Variants in EIPR1 observed in about 807,000 individuals in gnomAD.
EIPR1 encodes the protein EARP complex and GARP complex interacting protein 1, also known as EARP and GARP complex-interacting protein 1.
A neutral mutation model predicts 48.1 loss-of-function variants in EIPR1; 25 were observed. That is an observed-to-expected ratio of 0.52 (90% confidence interval 0.38 to 0.73). The LOEUF (loss-of-function observed/expected upper bound fraction) is 0.73, where lower values mean the gene tolerates loss of function less well. EIPR1 is among the 30% of genes least tolerant of loss of function. The pLI is 0.00. For missense variants in EIPR1, 415 were observed against 506.2 expected (o/e 0.82, Z 1.73); for synonymous variants, 204 against 201.9 (o/e 1.01, Z -0.09).
chr2:3,255,373 G>A (rs979759113), intron 4 of EIPR1, among the ~76,000 whole-genome samples: 1 of 152,008 alleles, frequency 6.6e-6, no homozygotes, highest in Non-Finnish European at 1.5e-5. Flanking sequence ...AGCAGAGATG[G>A]GGTTTCACCA....
chr2:3,370,435 A>T (rs1572493035), intron 1 of EIPR1, among the ~76,000 whole-genome samples: 1 of 152,220 alleles, frequency 6.6e-6, no homozygotes, highest in Middle Eastern at 3.4e-3. Flanking sequence ...CGATCAAACT[A>T]CTCCGAGCTA....
intron 3 of EIPR1, among the ~76,000 whole-genome samples, chr2:3,324,198 C>A (rs1222190504): frequency 6.6e-6 from 1 of 152,188 alleles, no homozygotes; most frequent in East Asian, 1.9e-4. Context: ...ACTGCACGAG[C>A]GACATGTGGC....
chr2:3,266,841 T>C (rs1405085468), intron 3 of EIPR1, among the ~76,000 whole-genome samples: 2 of 152,208 alleles, frequency 1.3e-5, no homozygotes, highest in Admixed American at 1.3e-4. Context: ...CTACTCCACA[T>C]GCCAGAAAGG....
At chr2:3,313,982 C>A (rs1016459502) in intron 3 of EIPR1, among the ~76,000 whole-genome samples, 2 of 152,128 alleles carry the variant, frequency 1.3e-5, no homozygotes, top group African/African-American at 2.4e-5. Flanking sequence ...TGGCCCTGAG[C>A]CGCTGGGACC....
intron 5 of EIPR1, among the ~76,000 whole-genome samples, chr2:3,206,453 T>C (rs910988924): frequency 2.0e-5 from 3 of 152,246 alleles, no homozygotes; most frequent in African/African-American, 7.2e-5. Context: ...CATGAGAGTC[T>C]GCATTGTGGC....
intron 1 of EIPR1, among the ~76,000 whole-genome samples, chr2:3,373,073 A>C (rs1659741620): frequency 6.6e-6 from 1 of 152,224 alleles, no homozygotes; most frequent in African/African-American, 2.4e-5. Flanking sequence ...AGGCTGGTTC[A>C]ATCTACGCAA....
chr2:3,269,522 ATCATCGCACTCAGTCATCGCACTCAG>A (rs1320236490), intron 3 of EIPR1, among the ~76,000 whole-genome samples: 2 of 63,668 alleles, frequency 3.1e-5, no homozygotes, highest in Non-Finnish European at 3.3e-5. Context: ...ATCACACTCA[ATCATCGCACTCAGTCATCGCACTCAG>A]TCATCGCACT....
intron 3 of EIPR1, among the ~76,000 whole-genome samples, chr2:3,260,142 T>G (rs934307860): frequency 6.6e-6 from 1 of 152,192 alleles, no homozygotes; most frequent in African/African-American, 2.4e-5. Flanking sequence ...CATTAAAATT[T>G]AAAACTTCTT....
intron 3 of EIPR1, chr2:3,319,776 ACTGCACCTGCGGGCAACACCACC>A (rs1669447577): frequency 7.6e-6 from 1 of 130,748 alleles, no homozygotes; most frequent in Non-Finnish European, 1.5e-5. Flanking sequence ...GCAGGGCAAT[ACTGCACCTGCGGGCAACACCACC>A]CCTGCGGGCA....
intron 4 of EIPR1, among the ~76,000 whole-genome samples, chr2:3,218,412 A>G (rs1310699366): frequency 8.3e-6 from 1 of 120,290 alleles, no homozygotes; most frequent in Non-Finnish European, 1.7e-5. Context: ...GCTCTAGAGC[A>G]TTCACAGTGA....
At chr2:3,361,039 T>C (rs948853721) in intron 1 of EIPR1, among the ~76,000 whole-genome samples, 1 of 152,086 alleles carries the variant, frequency 6.6e-6, no homozygotes, top group Non-Finnish European at 1.5e-5. Context: ...AAATACCCAT[T>C]TCTCATCTCC....
chr2:3,237,071 C>T lies in EIPR1; in HGVS notation c.416+20228G>A, dbSNP rs536239579. Among the ~76,000 whole-genome samples the T allele has an allele frequency of 2.0e-4, 31 of 152,236 alleles. No homozygotes were observed. The East Asian group carries it at 4.8e-3, about 24-fold the overall frequency. On this transcript the variant is annotated intron_variant, in intron 4 of 8. Transcript: ENST00000382125. ...CAGCTCCTCACAAGGCACACAAAGA[C>T]GCACCCAGGGAGGGATTAGACTGAG... is the stretch of plus-strand genomic sequence containing the variant.
rs113205050 is a variant in EIPR1, at chr2:3,338,174, T to C, written c.127-25A>G. 1.2e-5 allele frequency: 19 copies of C among 1,606,054 alleles called. No homozygotes were observed. In the African/African-American group the frequency reaches 2.3e-4, roughly 19 times the overall value. On this transcript the variant is annotated intron_variant, in intron 2 of 8. Coordinates refer to ENST00000382125, the MANE Select transcript of EIPR1 (RefSeq NM_003310.5). Reference sequence around the variant, plus strand: ...TCTACAAATACAAGAAAAGAGCACATCAGGATCTCAAACACTTTCCTCAGT... The same window carrying C: ...TCTACAAATACAAGAAAAGAGCACACCAGGATCTCAAACACTTTCCTCAGT...
chr2:3,345,368 G>A (rs1013956193), intron 2 of EIPR1, among the ~76,000 whole-genome samples: 1 of 152,160 alleles, frequency 6.6e-6, no homozygotes, highest in Non-Finnish European at 1.5e-5. Context: ...AGCACTTTGG[G>A]ACTGTGGATC....
Position 3,320,131 on chromosome 2 carries a change from A to G in EIPR1, c.259+17886T>C, listed in dbSNP as rs370016631. 338 of 157,020 alleles carry G rather than the reference A, an allele frequency of 2.2e-3. 1 individual carries two copies. The highest frequency in any genetic ancestry group is 8.6e-3 in the African/African-American group (282 of 32,668). 9.7% of individuals were successfully genotyped at this position (157,020 alleles called of 1,614,324 possible). ...CAACACCGCCCCTGGGGGCAACACC[A>G]CCCCTGCGGGCAACACCACCCCTGC... On this transcript the variant is annotated intron_variant, in intron 3 of 8. Coordinates refer to ENST00000382125, the MANE Select transcript of EIPR1 (RefSeq NM_003310.5).
At chr2:3,221,660 G>A (rs1352576776) in intron 4 of EIPR1, among the ~76,000 whole-genome samples, 2 of 16,874 alleles carry the variant, frequency 1.2e-4, no homozygotes, top group African/African-American at 2.2e-4. Flanking sequence ...GGGAACACAC[G>A]CACACAATGG....
chr2:3,267,544 A>T (rs1274200797), intron 3 of EIPR1, among the ~76,000 whole-genome samples: 2 of 152,240 alleles, frequency 1.3e-5, no homozygotes, highest in African/African-American at 4.8e-5. Context: ...GCATGTCTAT[A>T]CAAGAATGCA....
chr2:3,356,900 G>A (rs745576397), intron 1 of EIPR1, among the ~76,000 whole-genome samples: 2 of 152,226 alleles, frequency 1.3e-5, no homozygotes, highest in African/African-American at 2.4e-5. Context: ...AAGGACCAGA[G>A]GCTACACCCT....
At chr2:3,324,382 C>T (rs1669628053) in intron 3 of EIPR1, among the ~76,000 whole-genome samples, 1 of 152,168 alleles carries the variant, frequency 6.6e-6, no homozygotes, top group African/African-American at 2.4e-5. Flanking sequence ...CCAGCTCCTC[C>T]CGGGCAGTGG....
Sources: allele counts gnomAD v4.1 joint callset (sites outside exome capture counted in the v4.1 genomes callset), GRCh38; gene constraint gnomAD v4.1.1; transcripts MANE v1.5; gene names NCBI Gene and HGNC (gene_info 2026-07-23, HGNC 2026-07-21).